The following PKD1L1 variants were observed in gnomAD, a reference collection of about 807,000 sequenced individuals.
PKD1L1 encodes polycystin-1-like protein 1.
Under a neutral mutation model 323.4 loss-of-function variants are expected in PKD1L1, and 236 were observed. The observed-to-expected ratio is 0.73, with a 90% CI of 0.66 to 0.81. The LOEUF (loss-of-function observed/expected upper bound fraction) is 0.81. Ranked by LOEUF, PKD1L1 falls within the 40% of genes least tolerant of loss-of-function variation. The pLI, the probability that PKD1L1 is intolerant of heterozygous loss-of-function variation, is 0.00. For missense variants in PKD1L1, 3,320 were observed against 3,508.0 expected (o/e 0.95, Z 1.35); for synonymous variants, 1,344 against 1,335.0 (o/e 1.01, Z -0.15).
chr7:47,855,875 C>CAA (rs536157879), intron 28 of PKD1L1, among the ~76,000 whole-genome samples: 117 of 32,522 alleles, frequency 3.6e-3, no homozygotes, highest in Admixed American at 5.4e-3. Flanking sequence ...GACTCCGTCT[C>CAA]AAAAAAAAAA....
At chr7:47,831,981 A>G (rs1785357113) in intron 41 of PKD1L1, among the ~76,000 whole-genome samples, 1 of 152,214 alleles carries the variant, frequency 6.6e-6, no homozygotes, top group African/African-American at 2.4e-5. Flanking sequence ...CAGGACCAGA[A>G]GGTTGCCCCA....
At chr7:47,832,583 G>A (rs1162405672) in intron 41 of PKD1L1, among the ~76,000 whole-genome samples, 1 of 152,202 alleles carries the variant, frequency 6.6e-6, no homozygotes, top group East Asian at 1.9e-4. Context: ...CATGTACCAT[G>A]TGGCTCTAGG....
rs1328170790 is a variant in PKD1L1 at position 47,893,931 on chromosome 7, A to G, written c.2400T>C (p.Ile800=). Residue 800 remains isoleucine (I), a synonymous_variant, in exon 15 of 57, where the codon ATT becomes ATC. Transcript: ENST00000289672. ...CGAAGGACTGGGTCCCTCTGAGGACAATGGGGGATGAGGTGGTCCTGGAGA... is the reference window on the plus strand; with the variant it reads ...CGAAGGACTGGGTCCCTCTGAGGACGATGGGGGATGAGGTGGTCCTGGAGA... The part of the protein sequence containing the change: ...LFFSRTTSSP[I]VLRGTQSFDP... The G allele has an allele frequency of 1.2e-6, 2 of 1,613,906 alleles. No homozygotes were observed. Among genetic ancestry groups the G allele is most frequent in the Non-Finnish European group, 1.7e-6 (2 of 1,180,014 alleles).
intron 46 of PKD1L1, chr7:47,819,713 AG>A: frequency 1.9e-6 from 1 of 514,052 alleles, no homozygotes; most frequent in South Asian, 1.8e-5. Context: ...TGGGACTTCC[AG>A]GTCTTACCTT....
In PKD1L1 at chr7:47,808,265, A is replaced by G; in HGVS notation, c.7809T>C (p.Leu2603=). 6.2e-7 allele frequency: 1 copy of G among 1,614,136 alleles called. No individual in the cohort carries two copies. Among genetic ancestry groups the G allele is most frequent in the Non-Finnish European group, 8.5e-7 (1 of 1,180,030 alleles). The part of the protein sequence containing the change: ...GLCRAFMDLT[L]MASWNQRARW... Reference sequence around the variant, plus strand: ...CGTGTACCTGATTCCATGATGCCATAAGGGTGAGGTCCATAAATGCTCGGC... The same window carrying G: ...CGTGTACCTGATTCCATGATGCCATGAGGGTGAGGTCCATAAATGCTCGGC... The change falls in exon 52 of 57, where the codon CTT becomes CTC. Residue 2603 remains leucine (L), a synonymous_variant. Transcript: ENST00000289672.
chr7:47,831,723 T>G (rs1204328595), intron 41 of PKD1L1, among the ~76,000 whole-genome samples: 1 of 152,226 alleles, frequency 6.6e-6, no homozygotes, highest in African/African-American at 2.4e-5. Context: ...CCTGCCTTGC[T>G]GTGCCCTCAG....
chr7:47,884,294 C>T (rs1345235748), intron 19 of PKD1L1, among the ~76,000 whole-genome samples: 4 of 152,060 alleles, frequency 2.6e-5, no homozygotes, highest in African/African-American at 9.6e-5. Context: ...TTAGGAAGGA[C>T]GTGGAGGAAG....
At chr7:47,801,015 G>T in intron 53 of PKD1L1, 136 bp from the exon 54 acceptor site, 1 of 780,570 alleles carries the variant, frequency 1.3e-6, no homozygotes, top group Non-Finnish European at 2.1e-6. Context: ...TGTCATCCCT[G>T]GTTTTGAACC....
At chr7:47,806,770 T>C (rs75886999) in intron 52 of PKD1L1, among the ~76,000 whole-genome samples, 15,926 of 152,298 alleles carry the variant, frequency 0.1, 1,163 homozygotes, top group Non-Finnish European at 0.13. Flanking sequence ...TCACAATAAC[T>C]GTTGAATGTG....
rs750662504 is a variant in PKD1L1 at position 47,808,239 on chromosome 7, C to T, written c.7827+8G>A. ...CTCTATCTGCATGGCCCTGAGCACA[C>T]CGTGTACCTGATTCCATGATGCCAT... is the stretch of plus-strand genomic sequence containing the variant. On this transcript the variant is annotated splice_region_variant and intron_variant, in intron 52 of 56. Transcript: ENST00000289672. 5.0e-6 allele frequency: 8 copies of T among 1,614,078 alleles called. No individual in the cohort carries two copies. Among genetic ancestry groups the T allele is most frequent in the Non-Finnish European group, 6.8e-6 (8 of 1,179,968 alleles).
chr7:47,869,857 T>C (rs1474196000), intron 24 of PKD1L1, among the ~76,000 whole-genome samples: 1 of 152,146 alleles, frequency 6.6e-6, no homozygotes, highest in Non-Finnish European at 1.5e-5. Flanking sequence ...ACTCAATAAA[T>C]TTTAAACTAC....
At chr7:47,812,554 C>G (rs6976799) in intron 49 of PKD1L1, among the ~76,000 whole-genome samples, 120,458 of 152,152 alleles carry the variant, frequency 0.79, 47,809 homozygotes, top group East Asian at 0.92. Context: ...CTCCCCGTTG[C>G]TCTAAGACCA....
Position 47,808,322 on chromosome 7 carries a change from T to C in PKD1L1, c.7752A>G (p.Gly2584=). 1 of 1,614,114 alleles carries C rather than the reference T, an allele frequency of 6.2e-7. No homozygotes were observed. Among genetic ancestry groups the C allele is most frequent in the Non-Finnish European group, 8.5e-7 (1 of 1,180,024 alleles). Residue 2584 remains glycine (G), a synonymous_variant, in exon 52 of 57, where the codon GGA becomes GGG. Coordinates refer to ENST00000289672, the MANE Select transcript of PKD1L1 (RefSeq NM_138295.5). ...CTCTGTGAAACTGGTTAGTGACATC[T>C]CCAGCAAGAGTAACAAGGTGGCCGG... ...AVSGHLVTLA[G]DVTNQFHRGL... is the part of the protein sequence containing the mutation.
intron 52 of PKD1L1, among the ~76,000 whole-genome samples, 154 bp downstream of exon 52, chr7:47,808,093 T>C (rs1229766957): frequency 1.3e-5 from 2 of 152,194 alleles, no homozygotes; most frequent in African/African-American, 4.8e-5. Flanking sequence ...CCCTTCACTG[T>C]CCTGGCCACT....
At position 47,885,734 on chromosome 7, in the gene PKD1L1, G is replaced by C; in HGVS notation, c.3157C>G (p.Arg1053Gly). The change falls in exon 18 of 57, where the codon CGC becomes GGC. Residue 1053 changes from arginine (R) to glycine (G), a missense_variant. Physicochemically the swap from Arg to Gly is moderately radical, Grantham distance 125 (BLOSUM62 -2). Transcript: ENST00000289672. ...PQSKGSLMTG[R>G]SERSQPTHSP... ...TGGGTGGGCTGACTTCTCTCAGAGC[G>C]GCCAGTCATCAGGGATCCCTTGCTC... 1 of 1,614,122 alleles carries C rather than the reference G, an allele frequency of 6.2e-7. No individual in the cohort carries two copies. The highest frequency in any genetic ancestry group is 1.1e-5 in the South Asian group (1 of 91,078).
At chr7:47,931,657 G>T (rs915424605) in intron 5 of PKD1L1, among the ~76,000 whole-genome samples, 11 of 152,188 alleles carry the variant, frequency 7.2e-5, no homozygotes, top group Non-Finnish European at 1.5e-4. Context: ...ATTGCATAAG[G>T]TCATCTATAA....
chr7:47,942,249 C>G (rs1159532812), intron 2 of PKD1L1, among the ~76,000 whole-genome samples: 2 of 152,284 alleles, frequency 1.3e-5, no homozygotes, highest in East Asian at 3.9e-4. Context: ...CCTGATAAAG[C>G]TTTCTTCCCT....
In PKD1L1 at chr7:47,899,956, A is replaced by C. The variant is rs534857026; in HGVS notation, c.2065-1762T>G. Reference sequence around the variant, plus strand: ...AGGCAACAGAGCGAGACTCCATCCCAAAAAAAAAAAAAATCGGAAAGGGAA... The same window carrying C: ...AGGCAACAGAGCGAGACTCCATCCCCAAAAAAAAAAAAATCGGAAAGGGAA... On this transcript the variant is annotated intron_variant, in intron 13 of 56. Coordinates refer to ENST00000289672, the MANE Select transcript of PKD1L1 (RefSeq NM_138295.5). Among the ~76,000 whole-genome samples the C allele has an allele frequency of 6.7e-3, 558 of 82,744 alleles. 6 individuals carry two copies. The highest frequency in any genetic ancestry group is 0.022 in the African/African-American group (517 of 23,100). The allele number at this position is 82,744 out of a possible 152,430, so 54.3% of individuals were successfully genotyped here. A position where few individuals can be genotyped will look rare whatever the true frequency, so the allele number is the denominator to read the frequency against.
upstream of PKD1L1, among the ~76,000 whole-genome samples, chr7:47,949,046 A>G (rs981342822): frequency 2.0e-5 from 3 of 152,170 alleles, no homozygotes; most frequent in Non-Finnish European, 4.4e-5. Flanking sequence ...GAGACTGTAC[A>G]TGGAAGCTGA....
Sources: allele counts gnomAD v4.1 joint callset (sites outside exome capture counted in the v4.1 genomes callset), GRCh38; gene constraint gnomAD v4.1.1; transcripts MANE v1.5; gene names NCBI Gene and HGNC (gene_info 2026-07-23, HGNC 2026-07-21).